HNRNPA2B1: variants seen among roughly 807,000 people sequenced by gnomAD.
HNRNPA2B1 encodes heterogeneous nuclear ribonucleoproteins A2/B1.
Under a neutral mutation model 46.3 loss-of-function variants are expected in HNRNPA2B1, and 3 were observed. That is an observed-to-expected ratio of 0.06 (90% CI 0.03 to 0.17). The LOEUF is 0.17. Ranked by LOEUF, HNRNPA2B1 falls within the 10% of genes least tolerant of loss-of-function variation. HNRNPA2B1 has a pLI of 1.00. For missense variants in HNRNPA2B1, 221 were observed against 418.9 expected (o/e 0.53, Z 4.12); for synonymous variants, 225 against 133.8 (o/e 1.68, Z -4.70).
At chr7:26,200,400 TGTACGCTCAGGC>T in intron 1 of HNRNPA2B1, 160 bp downstream of exon 1, 1 of 718,668 alleles carries the variant, frequency 1.4e-6, no homozygotes, top group Non-Finnish European at 2.5e-6. Context: ...GGAAGCTGTT[TGTACGCTCAGGC>T]CTCCGCTCAA....
chr7:26,198,021 TATTA>T (rs1163171063), intron 1 of HNRNPA2B1: 51 of 411,690 alleles, frequency 1.2e-4, no homozygotes, highest in Admixed American at 7.9e-4. Context: ...TATCTTAAAT[TATTA>T]ATTAAAAAAA....
Position 26,191,009 on chromosome 7 carries a change from C to T in HNRNPA2B1, c.*1351G>A, listed in dbSNP as rs1012834824. 1 of 152,584 alleles carries T rather than the reference C, an allele frequency of 6.6e-6. No homozygotes were observed. Among genetic ancestry groups the T allele is most frequent in the Non-Finnish European group, 1.5e-5 (1 of 68,016 alleles). The allele number at this position is 152,584 out of a possible 1,614,324, so 9.5% of individuals were successfully genotyped here. On this transcript the variant is annotated 3_prime_UTR_variant, in exon 11 of 11. Transcript: ENST00000618183. Reference sequence around the variant, plus strand: ...TTTACCTACCATTTTACTACCAACACCACTGAAGGAACCAAGAAAAGCTTT... The same window carrying T: ...TTTACCTACCATTTTACTACCAACATCACTGAAGGAACCAAGAAAAGCTTT...
At position 26,197,730 on chromosome 7, in the gene HNRNPA2B1, T is replaced by C; in HGVS notation, c.9A>G (p.Arg3=). ME[R]EKEQFRKLFI... is the part of the protein sequence containing the mutation. The stretch of plus-strand genomic sequence containing the variant: ...AGAGCTTACGGAACTGTTCCTTTTC[T>C]CTCTGCAAAGGAAAATACCATTTCA... Residue 3 remains arginine, a splice_region_variant and synonymous_variant, in exon 2 of 11, where the codon AGA becomes AGG. Transcript: ENST00000618183. 1.2e-6 allele frequency: 2 copies of C among 1,609,682 alleles called. No individual in the cohort carries two copies. Among genetic ancestry groups the C allele is most frequent in the Non-Finnish European group, 1.7e-6 (2 of 1,177,030 alleles).
At chr7:26,197,495 T>G (rs1465675367) in intron 2 of HNRNPA2B1, 34 bp from the exon 3 acceptor site, 1 of 1,606,976 alleles carries the variant, frequency 6.2e-7, no homozygotes, top group South Asian at 1.1e-5. Flanking sequence ...TAGCATTTAA[T>G]CTCATTATAG....
rs757740786 is a variant in HNRNPA2B1 at position 26,193,363 on chromosome 7, T to C, written c.852A>G (p.Gly284=). The change falls in exon 9 of 11, where the codon GGA becomes GGG. Residue 284 remains glycine (G), a synonymous_variant. Transcript: ENST00000618183. ...TTCCAAAATCATTGTAATTTCCACT[T>C]CCATAATTTCCTATTAAAAAATTGG... is the stretch of plus-strand genomic sequence containing the variant. The part of the protein sequence containing the change: ...GYDNYGGGNY[G]SGNYNDFGNY... 16 of 1,610,618 alleles carry C rather than the reference T, an allele frequency of 9.9e-6. No homozygotes were observed. Among genetic ancestry groups the C allele is most frequent in the Non-Finnish European group, 1.4e-5 (16 of 1,177,100 alleles).
At chr7:26,193,767 T>C (rs898767721) in intron 7 of HNRNPA2B1, 73 bp from the exon 8 acceptor site, 84 of 1,238,032 alleles carry the variant, frequency 6.8e-5, no homozygotes, top group African/African-American at 1.5e-5. Flanking sequence ...CTCACATCCA[T>C]TTCCAGCTTT....
At position 26,193,709 on chromosome 7, in the gene HNRNPA2B1, G is replaced by A. The variant is rs758179103; in HGVS notation, c.722-15C>T. ...AAAATTGCCACCTATTATAAAATAA[G>A]CCTTTAAGTAATCACTTAATATTTT... On this transcript the variant is annotated splice_polypyrimidine_tract_variant and intron_variant, in intron 7 of 10. Coordinates refer to ENST00000618183, the MANE Select transcript of HNRNPA2B1 (RefSeq NM_002137.4). The A allele has an allele frequency of 7.5e-6, 12 of 1,603,470 alleles. No homozygotes were observed. The highest frequency in any genetic ancestry group is 5.6e-5 in the South Asian group (5 of 90,016).
chr7:26,192,572 A>G lies in HNRNPA2B1; in HGVS notation c.970T>C (p.Tyr324His), dbSNP rs1783018067. 1 of 1,613,726 alleles carries G rather than the reference A, an allele frequency of 6.2e-7. No homozygotes were observed. The change falls in exon 10 of 11, where the codon TAT becomes CAT. Residue 324 changes from tyrosine (Y) to histidine (H), a missense_variant. This residue lies in a region of HNRNPA2B1 where 143 missense variants were observed against 200.5 expected (regional missense o/e 0.71). Coordinates refer to ENST00000618183, the MANE Select transcript of HNRNPA2B1 (RefSeq NM_002137.4). ...NMGGPYGGGNYGPGGSGGSGG... is the reference protein window; with the variant it reads ...NMGGPYGGGNHGPGGSGGSGG... Reference sequence around the variant, plus strand: ...CTTCCTCCACTGCCTCCTGGACCATAGTTTCCTATAATTGTTGGAACAGCA... The same window carrying G: ...CTTCCTCCACTGCCTCCTGGACCATGGTTTCCTATAATTGTTGGAACAGCA...
chr7:26,196,010 A>G lies in HNRNPA2B1; in HGVS notation c.659-101T>C, dbSNP rs1783568594. 1.0e-5 allele frequency: 15 copies of G among 1,444,890 alleles called. No homozygotes were observed. In the South Asian group the frequency reaches 2.1e-4, roughly 20 times the overall value. 89.5% of individuals were successfully genotyped at this position (1,444,890 alleles called of 1,614,324 possible). A position where few individuals can be genotyped will look rare whatever the true frequency, so the allele number is the denominator to read the frequency against. ...TTACTACCTCAGCACAATAATTAAGAACCGCAGAAAAGGACACACCAGTGC... is the reference window on the plus strand; with the variant it reads ...TTACTACCTCAGCACAATAATTAAGGACCGCAGAAAAGGACACACCAGTGC... On this transcript the variant is annotated intron_variant, in intron 6 of 10. Coordinates refer to ENST00000618183, the MANE Select transcript of HNRNPA2B1 (RefSeq NM_002137.4).
intron 1 of HNRNPA2B1, 174 bp from the exon 2 acceptor site, chr7:26,197,906 A>G (rs948356980): frequency 6.7e-7 from 1 of 1,488,092 alleles, no homozygotes; most frequent in Non-Finnish European, 9.2e-7. Flanking sequence ...TTTAAACCAT[A>G]TGTTAAACTG....
chr7:26,192,607 AAACT>A, intron 9 of HNRNPA2B1, 30 bp from the exon 10 acceptor site: 1 of 1,587,878 alleles, frequency 6.3e-7, no homozygotes, highest in Non-Finnish European at 8.6e-7. Flanking sequence ...AAGAGAAAAC[AAACT>A]TACTTTGATT....
intron 7 of HNRNPA2B1, among the ~76,000 whole-genome samples, chr7:26,195,092 C>CAAAAAAAAAAAAAAAAAAAAAAAA (rs11356411): frequency 9.6e-5 from 5 of 51,944 alleles, no homozygotes; most frequent in Admixed American, 4.0e-4. Flanking sequence ...GGCTCCGTCT[C>CAAAAAAAAAAAAAAAAAAAAAAAA]AAAAAAAAAA....
chr7:26,197,817 T>C, intron 1 of HNRNPA2B1, 85 bp from the exon 2 acceptor site: 1 of 1,605,636 alleles, frequency 6.2e-7, no homozygotes, highest in Non-Finnish European at 8.5e-7. Context: ...TGAGGTGACC[T>C]GCTGGCAGAG....
chr7:26,200,646 C>T lies in HNRNPA2B1; in HGVS notation c.-69G>A. 1 of 1,605,680 alleles carries T rather than the reference C, an allele frequency of 6.2e-7. No homozygotes were observed. The highest frequency in any genetic ancestry group is 8.5e-7 in the Non-Finnish European group (1 of 1,173,986). Reference sequence around the variant, plus strand: ...GATGAGAGAGATCTCCGCGGACGAACACGAACCGGACTCGTCCTGGCGCTG... The same window carrying T: ...GATGAGAGAGATCTCCGCGGACGAATACGAACCGGACTCGTCCTGGCGCTG... On this transcript the variant is annotated 5_prime_UTR_variant, in exon 1 of 11. Coordinates refer to ENST00000618183, the MANE Select transcript of HNRNPA2B1 (RefSeq NM_002137.4).
At chr7:26,197,914 C>G (rs765760569) in intron 1 of HNRNPA2B1, 182 bp from the exon 2 acceptor site, 1 of 1,442,372 alleles carries the variant, frequency 6.9e-7, no homozygotes, top group Admixed American at 2.1e-5. Flanking sequence ...ATATGTTAAA[C>G]TGCATATTAG....
Position 26,196,832 on chromosome 7 carries a change from G to A in HNRNPA2B1, c.450C>T (p.Asp150=), listed in dbSNP as rs758289403. ...KRGFGFVTFD[D]HDPVDKIVLQ... ...ATACGATTTTATCCACAGGATCATG[G>A]TCATCAAAAGTAACAAAGCCAAAGC... Residue 150 remains aspartate (D), a synonymous_variant, in exon 4 of 11, where the codon GAC becomes GAT. Coordinates refer to ENST00000618183, the MANE Select transcript of HNRNPA2B1 (RefSeq NM_002137.4). 2.5e-6 allele frequency: 4 copies of A among 1,613,644 alleles called. No individual in the cohort carries two copies. Among genetic ancestry groups the A allele is most frequent in the East Asian group, 2.2e-5 (1 of 44,880 alleles).
At chr7:26,193,123 T>G in intron 9 of HNRNPA2B1, 128 bp downstream of exon 9, 2 of 893,386 alleles carry the variant, frequency 2.2e-6, no homozygotes, top group Admixed American at 2.6e-5. Flanking sequence ...TTTCTTTATT[T>G]TCACTAAGAC....
chr7:26,198,731 A>G (rs1373800859), intron 1 of HNRNPA2B1: 2 of 152,366 alleles, frequency 1.3e-5, no homozygotes, highest in East Asian at 1.9e-4. Flanking sequence ...AGGTTAAAAA[A>G]CCTCAAACGA....
intron 1 of HNRNPA2B1, chr7:26,198,214 C>T: frequency 5.3e-6 from 1 of 189,862 alleles, no homozygotes; most frequent in Non-Finnish European, 1.1e-5. Flanking sequence ...TATTCAATAT[C>T]TGAAAAGTAT....
Sources: gnomAD v4.1 joint callset for allele counts (sites outside exome capture counted in the v4.1 genomes callset) on GRCh38, gnomAD v4.1.1 for gene constraint, gnomAD v4.1.1 regional missense constraint, MANE v1.5 for transcripts, NCBI Gene and HGNC (gene_info 2026-07-23, HGNC 2026-07-21) for gene names.